Variants in RANBP2 observed in about 807,000 individuals in gnomAD.
RANBP2 encodes the protein E3 SUMO-protein ligase RanBP2.
A neutral mutation model predicts 303.6 loss-of-function variants in RANBP2; 57 were observed. The observed-to-expected ratio is 0.19, with a 90% CI of 0.15 to 0.23. The LOEUF (loss-of-function observed/expected upper bound fraction) is 0.23, where lower values mean the gene tolerates loss of function less well. Among genes scored for constraint, RANBP2 ranks in the 10% least tolerant of loss-of-function variants. RANBP2 has a pLI of 1.00. For missense variants in RANBP2, 3,138 were observed against 3,780.8 expected, an observed-to-expected ratio of 0.83 and a Z score of 4.46; for synonymous variants, 1,167 against 1,301.5, an observed-to-expected ratio of 0.90 and a Z score of 2.23.
At chr2:109,395,010 G>A in the RANBP2 span, among the ~76,000 whole-genome samples, 1 of 152,234 alleles carries the variant, frequency 6.6e-6, no homozygotes, top group Non-Finnish European at 1.5e-5. Flanking sequence ...CTTCTGATTG[G>A]GATGGCACCG....
the RANBP2 span, among the ~76,000 whole-genome samples, chr2:109,570,924 G>A: frequency 6.6e-6 from 1 of 152,184 alleles, no homozygotes; most frequent in Non-Finnish European, 1.5e-5. Flanking sequence ...TGGCGACATG[G>A]TTTGGATTTG....
At chr2:108,772,213 G>C (rs1455605908) in intron 21 of RANBP2, among the ~76,000 whole-genome samples, 1 of 152,136 alleles carries the variant, frequency 6.6e-6, no homozygotes, top group Non-Finnish European at 1.5e-5. Context: ...TTTTTAAGCT[G>C]GACAGTTAAA....
the RANBP2 span, among the ~76,000 whole-genome samples, chr2:109,012,769 C>T: frequency 6.6e-6 from 1 of 152,132 alleles, no homozygotes; most frequent in Admixed American, 6.5e-5. Flanking sequence ...AAAAAATTAG[C>T]CGGGCGTGTT....
At chr2:109,302,855 T>C in the RANBP2 span, among the ~76,000 whole-genome samples, 1 of 152,134 alleles carries the variant, frequency 6.6e-6, no homozygotes, top group Admixed American at 6.5e-5. Flanking sequence ...TGAGATCAGA[T>C]TATCTGATCT....
At chr2:109,653,636 C>T in the RANBP2 span, among the ~76,000 whole-genome samples, 1 of 152,148 alleles carries the variant, frequency 6.6e-6, no homozygotes, top group African/African-American at 2.4e-5. Context: ...TAAAGGGTGT[C>T]TCTGAGTCCT....
Position 108,740,500 on chromosome 2 carries a change from C to G in RANBP2, c.794C>G (p.Ala265Gly). The G allele has an allele frequency of 6.3e-7, 1 of 1,597,508 alleles. No individual in the cohort carries two copies. The highest frequency in any genetic ancestry group is 8.5e-7 in the Non-Finnish European group (1 of 1,179,758). The stretch of plus-strand genomic sequence containing the variant: ...TTTTCATATTACAGTTTTGATAGTG[C>G]TCTTCAGTCTGTGAAATCTTTGGGT... ...SRELLQSFDS[A>G]LQSVKSLGGN... Residue 265 changes from alanine to glycine, a missense_variant, in exon 7 of 29, where the codon GCT becomes GGT. This residue lies in a region of RANBP2 where 306 missense variants were observed against 381.9 expected (regional missense o/e 0.80). Coordinates refer to ENST00000283195, the MANE Select transcript of RANBP2 (RefSeq NM_006267.5).
At chr2:108,929,172 G>C in the RANBP2 span, 1 of 1,613,392 alleles carries the variant, frequency 6.2e-7, no homozygotes, top group Non-Finnish European at 8.5e-7. Flanking sequence ...AGCATGCCAG[G>C]GTTTGCCAGG....
the RANBP2 span, among the ~76,000 whole-genome samples, chr2:108,828,793 A>G: frequency 6.6e-6 from 1 of 152,168 alleles, no homozygotes. Context: ...CCTGGCCAAC[A>G]TAGTGAAACC....
chr2:109,642,279 C>T, the RANBP2 span, among the ~76,000 whole-genome samples: 1 of 152,152 alleles, frequency 6.6e-6, no homozygotes, highest in African/African-American at 2.4e-5. Flanking sequence ...TTTTTCCTCC[C>T]AAGCTTTCAA....
At chr2:109,219,612 A>G in the RANBP2 span, among the ~76,000 whole-genome samples, 1 of 152,270 alleles carries the variant, frequency 6.6e-6, no homozygotes, top group Non-Finnish European at 1.5e-5. Flanking sequence ...GTTGCAAAAT[A>G]TAAAATTAAA....
At chr2:108,960,199 C>T in the RANBP2 span, among the ~76,000 whole-genome samples, 2 of 152,178 alleles carry the variant, frequency 1.3e-5, no homozygotes, top group African/African-American at 2.4e-5. Flanking sequence ...ACCACCAGTT[C>T]TCCCCGGGGC....
chr2:108,873,592 A>G, the RANBP2 span: 1 of 1,560,538 alleles, frequency 6.4e-7, no homozygotes. Context: ...AAAATCAAGT[A>G]AGAATTTCTT....
chr2:109,477,888 A>G, the RANBP2 span, among the ~76,000 whole-genome samples: 1 of 152,154 alleles, frequency 6.6e-6, no homozygotes, highest in Non-Finnish European at 1.5e-5. Context: ...TTTGGGGAAC[A>G]TGTGCATTCA....
At chr2:108,748,085 A>T (rs1412602103) in intron 8 of RANBP2, among the ~76,000 whole-genome samples, 1 of 152,180 alleles carries the variant, frequency 6.6e-6, no homozygotes, top group African/African-American at 2.4e-5. Flanking sequence ...TCATTTAGCA[A>T]GGTTTTCAAG....
At chr2:109,334,539 C>G in the RANBP2 span, among the ~76,000 whole-genome samples, 1 of 152,060 alleles carries the variant, frequency 6.6e-6, no homozygotes, top group Non-Finnish European at 1.5e-5. Context: ...GTGGTGCCAG[C>G]CAGCAGGGGA....
the RANBP2 span, among the ~76,000 whole-genome samples, chr2:108,875,314 T>C: frequency 3.6e-5 from 1 of 27,906 alleles, no homozygotes; most frequent in African/African-American, 1.5e-4. Flanking sequence ...AAACTTAAAG[T>C]ATAATAAAAA....
the RANBP2 span, among the ~76,000 whole-genome samples, chr2:108,899,755 G>A: frequency 2.0e-5 from 3 of 152,166 alleles, no homozygotes; most frequent in African/African-American, 7.2e-5. Context: ...GGAGGCCAAG[G>A]TGGGCAGATC....
chr2:109,129,959 T>C, the RANBP2 span: 1 of 1,429,530 alleles, frequency 7.0e-7, no homozygotes, highest in South Asian at 1.4e-5. Context: ...GCGCGTCCCA[T>C]CCCAGGCCAG....
At chr2:109,552,190 C>T in the RANBP2 span, among the ~76,000 whole-genome samples, 1 of 152,204 alleles carries the variant, frequency 6.6e-6, no homozygotes. Context: ...CATCCTGAAA[C>T]CATCTCCCCT....
Sources: allele counts gnomAD v4.1 joint callset (sites outside exome capture counted in the v4.1 genomes callset), GRCh38; gene constraint gnomAD v4.1.1; regional missense constraint gnomAD v4.1.1; transcripts MANE v1.5; gene names NCBI Gene and HGNC (gene_info 2026-07-23, HGNC 2026-07-21).